RAD51AP2: variants seen among roughly 807,000 people sequenced by gnomAD.
RAD51AP2 encodes RAD51-associated protein 2.
A neutral mutation model predicts 85.5 loss-of-function variants in RAD51AP2; 67 were observed. The observed-to-expected ratio is 0.78, with a 90% CI of 0.64 to 0.96. The LOEUF (loss-of-function observed/expected upper bound fraction) is 0.96, where lower values mean the gene tolerates loss of function less well. RAD51AP2 is among the 40% of genes least tolerant of loss of function. The probability of loss-of-function intolerance (pLI) is 0.00; values close to 1 mark genes in which losing one functional copy is unlikely to be tolerated. For missense variants in RAD51AP2, 1,307 were observed against 1,332.4 expected, an observed-to-expected ratio of 0.98 and a Z score of 0.30; for synonymous variants, 474 against 446.5, an observed-to-expected ratio of 1.06 and a Z score of -0.78.
chr2:17,515,416 G>A lies in RAD51AP2; in HGVS notation c.3000C>T (p.Tyr1000=), dbSNP rs749144820. ...TVETNNGQEN[Y]FGENDAEKVK... is the part of the protein sequence containing the mutation. ...CCTTCTCAGCATCATTTTCTCCAAA[G>A]TAATTTTCTTGCCCATTGTTTGTTT... The change falls in exon 1 of 3, where the codon TAC becomes TAT. Residue 1000 remains tyrosine, a synonymous_variant. Coordinates refer to ENST00000399080, the MANE Select transcript of RAD51AP2 (RefSeq NM_001099218.3). 11 of 1,612,270 alleles carry A rather than the reference G, an allele frequency of 6.8e-6. No individual in the cohort carries two copies. Among genetic ancestry groups the A allele is most frequent in the Non-Finnish European group, 8.5e-6 (10 of 1,179,598 alleles).
chr2:17,516,433 C>G lies in RAD51AP2; in HGVS notation c.1983G>C (p.Lys661Asn). ...KLFRTEQVFE[K>N]SKKKLINSFS... The stretch of plus-strand genomic sequence containing the variant: ...AGGAATTAATGAGTTTTTTCTTAGA[C>G]TTTTCAAAAACTTGTTCAGTTCTAA... Residue 661 changes from lysine to asparagine, a missense_variant, in exon 1 of 3, where the codon AAG becomes AAC. Physicochemically the swap from Lys to Asn is moderately conservative, Grantham distance 94. Coordinates refer to ENST00000399080, the MANE Select transcript of RAD51AP2 (RefSeq NM_001099218.3). 2 of 1,590,266 alleles carry G rather than the reference C, an allele frequency of 1.3e-6. No individual in the cohort carries two copies. Among genetic ancestry groups the G allele is most frequent in the Non-Finnish European group, 1.7e-6 (2 of 1,170,198 alleles).
At chr2:17,529,318 G>C in the RAD51AP2 span, among the ~76,000 whole-genome samples, 3 of 151,294 alleles carry the variant, frequency 2.0e-5, no homozygotes, top group Non-Finnish European at 4.4e-5. Flanking sequence ...AAAAACAACT[G>C]TTTTCTACTG....
chr2:17,532,416 C>A, the RAD51AP2 span, among the ~76,000 whole-genome samples: 1 of 152,170 alleles, frequency 6.6e-6, no homozygotes, highest in African/African-American at 2.4e-5. Flanking sequence ...ATTCTCCCTG[C>A]CTGTGTCTTT....
At chr2:17,518,540 G>A, upstream of RAD51AP2, 1 of 1,276,582 alleles carries the variant, frequency 7.8e-7, no homozygotes. Context: ...CTAATCTCAG[G>A]GTTTGCCCCA....
At chr2:17,535,469 G>A in the RAD51AP2 span, among the ~76,000 whole-genome samples, 1 of 152,144 alleles carries the variant, frequency 6.6e-6, no homozygotes, top group Non-Finnish European at 1.5e-5. Flanking sequence ...GCAACAGTTA[G>A]GAGAATGAGA....
At position 17,518,317 on chromosome 2, in the gene RAD51AP2, G is replaced by C. The variant is rs779702098; in HGVS notation, c.99C>G (p.Ser33Arg). Residue 33 changes from serine to arginine, a missense_variant, in exon 1 of 3, where the codon AGC (serine) becomes AGG (arginine). Physicochemically the swap from Ser to Arg is moderately radical, Grantham distance 110 (BLOSUM62 -1). This residue lies in a region of RAD51AP2 where 635 missense variants were observed against 643.6 expected (regional missense o/e 0.99). Coordinates refer to ENST00000399080, the MANE Select transcript of RAD51AP2 (RefSeq NM_001099218.3). ...CAGGCTCCTCAAGACAGAGCCGCTTGCTACTAGGTGGTTGGGAATCCGGGT... is the reference window on the plus strand; with the variant it reads ...CAGGCTCCTCAAGACAGAGCCGCTTCCTACTAGGTGGTTGGGAATCCGGGT... Reference protein sequence around the residue: ...PEDPDSQPPSSKRLCLEEPGG... With the variant: ...PEDPDSQPPSRKRLCLEEPGG... 3 of 1,614,184 alleles carry C rather than the reference G, an allele frequency of 1.9e-6. No individual in the cohort carries two copies. The South Asian group carries it at 3.3e-5, about 18-fold the overall frequency.
At chr2:17,535,044 A>G in the RAD51AP2 span, among the ~76,000 whole-genome samples, 1 of 152,214 alleles carries the variant, frequency 6.6e-6, no homozygotes, top group African/African-American at 2.4e-5. Flanking sequence ...TTATGTTTAA[A>G]TAGAGCTTCC....
rs2103301917 is a variant in RAD51AP2 at position 17,510,693 on chromosome 2, A to C, written c.*111T>G. The C allele has an allele frequency of 1.7e-6, 1 of 594,088 alleles. No individual in the cohort carries two copies. The highest frequency in any genetic ancestry group is 2.7e-6 in the Non-Finnish European group (1 of 370,562). The allele number at this position is 594,088 out of a possible 1,614,324, so 36.8% of individuals were successfully genotyped here. A position where few individuals can be genotyped will look rare whatever the true frequency, so the allele number is the denominator to read the frequency against. On this transcript the variant is annotated 3_prime_UTR_variant, in exon 3 of 3. Transcript: ENST00000399080. ...CATAATTTATACACTCAAAAAAAAA[A>C]ACTTCTCCACTTTATAATAAAGCAA...
upstream of RAD51AP2, among the ~76,000 whole-genome samples, chr2:17,519,846 C>A (rs2103315428): frequency 6.6e-6 from 1 of 152,230 alleles, no homozygotes; most frequent in African/African-American, 2.4e-5. Context: ...CTAATCCATT[C>A]TGTTTTAGCC....
At chr2:17,519,657 G>A (rs1416995089), upstream of RAD51AP2, among the ~76,000 whole-genome samples, 1 of 152,084 alleles carries the variant, frequency 6.6e-6, no homozygotes, top group Non-Finnish European at 1.5e-5. Flanking sequence ...AATTCCTCTA[G>A]AGAAATGTTT....
At chr2:17,521,170 C>T (rs1156608816), upstream of RAD51AP2, among the ~76,000 whole-genome samples, 1 of 152,102 alleles carries the variant, frequency 6.6e-6, no homozygotes, top group Non-Finnish European at 1.5e-5. Context: ...CATTTACCAA[C>T]TCAAATGGAT....
chr2:17,523,366 T>C (rs929349306), upstream of RAD51AP2, among the ~76,000 whole-genome samples: 12 of 151,916 alleles, frequency 7.9e-5, no homozygotes, highest in African/African-American at 2.9e-4. Flanking sequence ...TCACTGTAAA[T>C]GGCTCATAAT....
At chr2:17,534,152 A>G in the RAD51AP2 span, among the ~76,000 whole-genome samples, 2 of 152,190 alleles carry the variant, frequency 1.3e-5, no homozygotes, top group East Asian at 1.9e-4. Flanking sequence ...TTTAGTAAGT[A>G]TATAATTTTT....
rs1285691355 is a variant in RAD51AP2, at chr2:17,517,653, C to T, written c.763G>A (p.Gly255Ser). The T allele has an allele frequency of 9.9e-6, 16 of 1,613,818 alleles. No homozygotes were observed. Among genetic ancestry groups the T allele is most frequent in the Non-Finnish European group, 1.3e-5 (15 of 1,179,964 alleles). Reference sequence around the variant, plus strand: ...GGAAACTGAGGGACACTTATTGTGCCGCTATCTCTAAAATAGCTAGGTTTG... The same window carrying T: ...GGAAACTGAGGGACACTTATTGTGCTGCTATCTCTAAAATAGCTAGGTTTG... ...IAKPSYFRDS[G>S]TISVPQFPMD... The change falls in exon 1 of 3, where the codon GGC becomes AGC. Residue 255 changes from glycine to serine, a missense_variant. Around this residue, in one of 3 missense-constraint regions of RAD51AP2, gnomAD observed 635 missense variants for 643.6 expected, o/e 0.99. Transcript: ENST00000399080.
chr2:17,537,559 C>T, the RAD51AP2 span, among the ~76,000 whole-genome samples: 2 of 152,206 alleles, frequency 1.3e-5, no homozygotes, highest in Non-Finnish European at 1.5e-5. Context: ...TATCCCCATG[C>T]CTTAAGTTCC....
the RAD51AP2 span, among the ~76,000 whole-genome samples, chr2:17,530,618 CAT>C: frequency 8.2e-6 from 1 of 121,572 alleles, no homozygotes; most frequent in Non-Finnish European, 1.7e-5. Flanking sequence ...AAAAAAAAGA[CAT>C]ATATTGAGTT....
upstream of RAD51AP2, among the ~76,000 whole-genome samples, chr2:17,522,408 T>G (rs35942377): frequency 6.6e-6 from 1 of 152,062 alleles, no homozygotes; most frequent in African/African-American, 2.4e-5. Context: ...AAGTTTACAG[T>G]CATCTTTAGA....
In RAD51AP2 at chr2:17,516,218, G is replaced by C. The variant is rs1270128394; in HGVS notation, c.2198C>G (p.Ala733Gly). Reference sequence around the variant, plus strand: ...AAATTGAGGACAAGAATTACCATGTGCTTTAACAGTACTAGAATTATAGTG... The same window carrying C: ...AAATTGAGGACAAGAATTACCATGTCCTTTAACAGTACTAGAATTATAGTG... ...WAHYNSSTVK[A>G]HGNSCPQFIQ... is the part of the protein sequence containing the mutation. Residue 733 changes from alanine to glycine, a missense_variant, in exon 1 of 3, where the codon GCA (alanine) becomes GGA (glycine). Physicochemically the swap from Ala to Gly is moderately conservative, Grantham distance 60. Transcript: ENST00000399080. 6.2e-7 allele frequency: 1 copy of C among 1,613,104 alleles called. No homozygotes were observed. The highest frequency in any genetic ancestry group is 1.7e-5 in the Admixed American group (1 of 59,986).
At chr2:17,513,989 C>T in intron 2 of RAD51AP2, 23 bp downstream of exon 2, 1 of 1,268,964 alleles carries the variant, frequency 7.9e-7, no homozygotes, top group Non-Finnish European at 1.1e-6. Flanking sequence ...AGAAGTTATC[C>T]TAAAAAGTAA....
Sources: gnomAD v4.1 joint callset for allele counts (sites outside exome capture counted in the v4.1 genomes callset) on GRCh38, gnomAD v4.1.1 for gene constraint, gnomAD v4.1.1 regional missense constraint, MANE v1.5 for transcripts, NCBI Gene and HGNC (gene_info 2026-07-23, HGNC 2026-07-21) for gene names.